The following CDH13 variants were observed in gnomAD, a reference collection of about 807,000 sequenced individuals.
CDH13 encodes cadherin-13.
In CDH13, 24 loss-of-function variants were observed where a neutral mutation model predicts 63.8. That is an observed-to-expected ratio of 0.38 (90% CI 0.27 to 0.53). The LOEUF (loss-of-function observed/expected upper bound fraction) is 0.53. Among genes scored for constraint, CDH13 ranks in the 20% least tolerant of loss-of-function variants. The pLI, the probability that CDH13 is intolerant of heterozygous loss-of-function variation, is 0.85. For missense variants in CDH13, 1,049 were observed against 903.1 expected (o/e 1.16, Z -2.07); for synonymous variants, 503 against 355.3 (o/e 1.42, Z -4.67).
intron 5 of CDH13, among the ~76,000 whole-genome samples, chr16:83,254,824 A>G (rs1016556298): frequency 4.6e-5 from 7 of 152,170 alleles, no homozygotes; most frequent in Non-Finnish European, 1.0e-4. Flanking sequence ...TTCCTGTACC[A>G]AGCCTAATAA....
At chr16:83,475,029 C>T (rs921210255) in intron 6 of CDH13, among the ~76,000 whole-genome samples, 4 of 152,238 alleles carry the variant, frequency 2.6e-5, no homozygotes, top group African/African-American at 9.6e-5. Context: ...GTTTCCCAGG[C>T]CTTCCGCCAT....
intron 6 of CDH13, among the ~76,000 whole-genome samples, chr16:83,349,095 C>T (rs556462284): frequency 3.3e-5 from 5 of 152,270 alleles, no homozygotes; most frequent in East Asian, 1.9e-4. Context: ...CACTGAACTC[C>T]GGGGTATTGT....
chr16:83,080,006 A>G (rs1263294933), intron 3 of CDH13, among the ~76,000 whole-genome samples: 1 of 152,250 alleles, frequency 6.6e-6, no homozygotes, highest in Non-Finnish European at 1.5e-5. Context: ...GGACTAATAA[A>G]AATGACATAT....
intron 1 of CDH13, among the ~76,000 whole-genome samples, chr16:82,775,889 A>G (rs1567521447): frequency 6.6e-6 from 1 of 151,946 alleles, no homozygotes; most frequent in East Asian, 1.9e-4. Context: ...TTGTGAATGG[A>G]TGGAAGTATG....
chr16:83,368,553 CAGG>C (rs2091297291), intron 6 of CDH13, among the ~76,000 whole-genome samples: 1 of 151,616 alleles, frequency 6.6e-6, no homozygotes, highest in Non-Finnish European at 1.5e-5. Flanking sequence ...TTTTTGGGAA[CAGG>C]TGGTGTTTGG....
At chr16:83,712,146 T>A (rs1349579325) in intron 10 of CDH13, among the ~76,000 whole-genome samples, 1 of 152,192 alleles carries the variant, frequency 6.6e-6, no homozygotes, top group African/African-American at 2.4e-5. Context: ...AAGACAATCA[T>A]ACTGTGAGGT....
chr16:83,093,894 C>A (rs1159784853), intron 3 of CDH13, among the ~76,000 whole-genome samples: 1 of 152,144 alleles, frequency 6.6e-6, no homozygotes, highest in Non-Finnish European at 1.5e-5. Context: ...GAAGTGGGAA[C>A]TCCGTAAAAG....
At chr16:83,003,311 C>T (rs1913133731) in intron 2 of CDH13, among the ~76,000 whole-genome samples, 1 of 151,890 alleles carries the variant, frequency 6.6e-6, no homozygotes, top group Non-Finnish European at 1.5e-5. Flanking sequence ...CTCATGGTGT[C>T]TTCAGAATGT....
At chr16:82,664,677 A>T (rs1031203643) in intron 1 of CDH13, among the ~76,000 whole-genome samples, 1 of 152,224 alleles carries the variant, frequency 6.6e-6, no homozygotes, top group Non-Finnish European at 1.5e-5. Flanking sequence ...ATTTTCAAAG[A>T]GAAGAAAATC....
At chr16:82,782,346 G>A (rs928926609) in intron 1 of CDH13, among the ~76,000 whole-genome samples, 6 of 152,180 alleles carry the variant, frequency 3.9e-5, no homozygotes, top group African/African-American at 9.7e-5. Flanking sequence ...TGGATCACGA[G>A]GTCAGGAGTT....
chr16:83,138,889 G>A (rs1264101014), intron 4 of CDH13, among the ~76,000 whole-genome samples: 1 of 152,100 alleles, frequency 6.6e-6, no homozygotes, highest in African/African-American at 2.4e-5. Flanking sequence ...CCATGGTGGG[G>A]GATACCAGGC....
intron 2 of CDH13, among the ~76,000 whole-genome samples, chr16:82,939,791 A>G (rs749478216): frequency 7.2e-5 from 11 of 152,176 alleles, no homozygotes; most frequent in Admixed American, 1.3e-4. Context: ...GCTGCTTATA[A>G]TATTGTTGAT....
chr16:83,153,116 G>T (rs1597428568), intron 4 of CDH13, among the ~76,000 whole-genome samples: 1 of 152,170 alleles, frequency 6.6e-6, no homozygotes, highest in Non-Finnish European at 1.5e-5. Flanking sequence ...GTGGGAGACT[G>T]GAGTTTTATT....
At chr16:82,745,590 C>T (rs555002770) in intron 1 of CDH13, among the ~76,000 whole-genome samples, 28 of 151,926 alleles carry the variant, frequency 1.8e-4, no homozygotes, top group African/African-American at 5.6e-4. Context: ...GGTGACAGAG[C>T]GAGACTCTGT....
intron 3 of CDH13, among the ~76,000 whole-genome samples, chr16:83,039,392 C>A (rs988920950): frequency 2.0e-5 from 3 of 152,164 alleles, no homozygotes; most frequent in African/African-American, 7.2e-5. Context: ...GAATTGTCAC[C>A]TTCTCCAAGA....
At chr16:83,729,324 G>T (rs1028660153) in intron 10 of CDH13, among the ~76,000 whole-genome samples, 3 of 151,924 alleles carry the variant, frequency 2.0e-5, no homozygotes, top group Non-Finnish European at 4.4e-5. Context: ...TAGTAATAAG[G>T]TTTCACAAAG....
chr16:82,714,276 G>A (rs1052891718), intron 1 of CDH13, among the ~76,000 whole-genome samples: 2 of 152,156 alleles, frequency 1.3e-5, no homozygotes, highest in East Asian at 3.8e-4. Flanking sequence ...ATTGAATTGT[G>A]TTCCCCCAAA....
intron 2 of CDH13, among the ~76,000 whole-genome samples, chr16:82,931,324 A>C (rs781038040): frequency 1.4e-4 from 21 of 152,326 alleles, no homozygotes; most frequent in Non-Finnish European, 2.8e-4. Flanking sequence ...AAATGGTTAG[A>C]ATCACTGCTA....
intron 7 of CDH13, among the ~76,000 whole-genome samples, chr16:83,534,142 G>T (rs1460222368): frequency 6.6e-6 from 1 of 152,072 alleles, no homozygotes; most frequent in East Asian, 1.9e-4. Context: ...CATCCCCCAT[G>T]CCCTTTGTAA....
Sources: gnomAD v4.1 joint callset for allele counts (sites outside exome capture counted in the v4.1 genomes callset) on GRCh38, gnomAD v4.1.1 for gene constraint, MANE v1.5 for transcripts, NCBI Gene and HGNC (gene_info 2026-07-23, HGNC 2026-07-21) for gene names.